Variants in CFAP45 observed in about 807,000 individuals in gnomAD.
CFAP45 encodes the protein cilia and flagella associated protein 45.
In CFAP45, 43 loss-of-function variants were observed where a neutral mutation model predicts 75.6. The ratio of observed to expected loss-of-function variants is 0.57; its 90% CI spans 0.45 to 0.73. The LOEUF (loss-of-function observed/expected upper bound fraction) is 0.73, where lower values mean the gene tolerates loss of function less well. Among genes scored for constraint, CFAP45 ranks in the 30% least tolerant of loss-of-function variants. The probability of loss-of-function intolerance (pLI) is 0.00; values close to 1 mark genes in which losing one functional copy is unlikely to be tolerated. For synonymous variants in CFAP45, 223 were observed against 244.6 expected, an observed-to-expected ratio of 0.91 and a Z score of 0.82; for missense variants, 689 against 701.5, an observed-to-expected ratio of 0.98 and a Z score of 0.20.
intron 3 of CFAP45, among the ~76,000 whole-genome samples, chr1:159,889,848 C>T (rs1415711809): frequency 1.3e-5 from 2 of 152,144 alleles, no homozygotes; most frequent in Non-Finnish European, 2.9e-5. Context: ...GCAGGGAGAA[C>T]GGTTGTAGAG....
chr1:159,873,700 T>C (rs1469086630), intron 10 of CFAP45, among the ~76,000 whole-genome samples: 1 of 152,180 alleles, frequency 6.6e-6, no homozygotes, highest in Non-Finnish European at 1.5e-5. Context: ...ACATTCTCAA[T>C]ATTCACTGGG....
intron 5 of CFAP45, 110 bp from the exon 6 acceptor site, chr1:159,886,799 CTGCTCACAAG>C: frequency 3.6e-6 from 3 of 828,900 alleles, no homozygotes; most frequent in Non-Finnish European, 6.0e-6. Flanking sequence ...GTGTGCATGA[CTGCTCACAAG>C]TCCGGGGAAA....
At chr1:159,893,069 TGA>T in intron 2 of CFAP45, 109 bp downstream of exon 2, 1 of 1,257,166 alleles carries the variant, frequency 8.0e-7, no homozygotes. Flanking sequence ...GTCTTCAGTC[TGA>T]GAGTTACCTA....
In CFAP45 at chr1:159,872,975, C is replaced by G. The variant is rs1231849646; in HGVS notation, c.1546G>C (p.Glu516Gln). 6.2e-7 allele frequency: 1 copy of G among 1,614,112 alleles called. No individual in the cohort carries two copies. Among genetic ancestry groups the G allele is most frequent in the Admixed American group, 1.7e-5 (1 of 60,012 alleles). Residue 516 changes from glutamate (E) to glutamine (Q), a missense_variant, in exon 11 of 12, where the codon GAG becomes CAG. Coordinates refer to ENST00000368099, the MANE Select transcript of CFAP45 (RefSeq NM_012337.3). Reference sequence around the variant, plus strand: ...TCTTCAAGCTTTTTCCTCTTGATCTCATCGATGCGCTCACGGCGTTTCTGG... The same window carrying G: ...TCTTCAAGCTTTTTCCTCTTGATCTGATCGATGCGCTCACGGCGTTTCTGG... ...EAQKRRERID[E>Q]IKRKKLEELR...
At chr1:159,897,122 G>A (rs1649968998) in intron 1 of CFAP45, among the ~76,000 whole-genome samples, 1 of 152,058 alleles carries the variant, frequency 6.6e-6, no homozygotes, top group Admixed American at 6.6e-5. Flanking sequence ...AAATTAGCCA[G>A]GCACGGTGGC....
Position 159,872,437 on chromosome 1 carries a change from G to T in CFAP45, c.*48C>A, listed in dbSNP as rs760842931. On this transcript the variant is annotated 3_prime_UTR_variant, in exon 12 of 12. Coordinates refer to ENST00000368099, the MANE Select transcript of CFAP45 (RefSeq NM_012337.3). ...AGCAATTATGGATGCCCAGAGACTG[G>T]GCAGAATCTGTCCCCCGAAGGCATC... The T allele has an allele frequency of 2.1e-6, 3 of 1,411,394 alleles. No individual in the cohort carries two copies. Among genetic ancestry groups the T allele is most frequent in the African/African-American group, 2.8e-5 (2 of 70,798 alleles). 87.4% of individuals were successfully genotyped at this position (1,411,394 alleles called of 1,614,324 possible). A position where few individuals can be genotyped will look rare whatever the true frequency, so the allele number is the denominator to read the frequency against.
At chr1:159,889,097 G>C (rs1465772352) in intron 3 of CFAP45, among the ~76,000 whole-genome samples, 5 of 152,152 alleles carry the variant, frequency 3.3e-5, no homozygotes, top group Non-Finnish European at 7.3e-5. Flanking sequence ...AAGCTTCCCT[G>C]CCCATCCAGC....
intron 10 of CFAP45, among the ~76,000 whole-genome samples, chr1:159,873,992 G>T (rs749044452): frequency 3.3e-5 from 5 of 151,638 alleles, no homozygotes; most frequent in African/African-American, 9.7e-5. Flanking sequence ...GCCTGATATC[G>T]CTCAGTTCTC....
intron 10 of CFAP45, among the ~76,000 whole-genome samples, chr1:159,874,438 C>T (rs886180138): frequency 1.4e-4 from 22 of 152,310 alleles, no homozygotes; most frequent in Non-Finnish European, 2.6e-4. Context: ...CCAGTTTACC[C>T]GAAGAATACT....
Position 159,872,452 on chromosome 1 carries a change from C to G in CFAP45, c.*33G>C. 6.4e-7 allele frequency: 1 copy of G among 1,572,258 alleles called. No homozygotes were observed. The highest frequency in any genetic ancestry group is 8.8e-7 in the Non-Finnish European group (1 of 1,141,826). On this transcript the variant is annotated 3_prime_UTR_variant, in exon 12 of 12. Coordinates refer to ENST00000368099, the MANE Select transcript of CFAP45 (RefSeq NM_012337.3). ...CCAGAGACTGGGCAGAATCTGTCCC[C>G]CGAAGGCATCCTGAGGGCCACGAAG...
At chr1:159,895,944 A>G (rs892686680) in intron 1 of CFAP45, among the ~76,000 whole-genome samples, 4 of 152,226 alleles carry the variant, frequency 2.6e-5, no homozygotes, top group Non-Finnish European at 4.4e-5. Flanking sequence ...ATAAAACCGA[A>G]CAAGGTGACC....
Position 159,880,619 on chromosome 1 carries a change from C to A in CFAP45, c.979G>T (p.Ala327Ser). The A allele has an allele frequency of 6.2e-7, 1 of 1,613,930 alleles. No individual in the cohort carries two copies. The highest frequency in any genetic ancestry group is 8.5e-7 in the Non-Finnish European group (1 of 1,179,896). ...RINDENQKQKAELLAQEKLAD... is the reference protein window; with the variant it reads ...RINDENQKQKSELLAQEKLAD... ...AGCTTCTCCTGAGCCAGCAGTTCTG[C>A]TTTCTGTTTCTGGTTTTCATCATTG... The change falls in exon 8 of 12, where the codon GCA becomes TCA. Residue 327 changes from alanine to serine, a missense_variant. By Grantham distance (99) the Ala-to-Ser change is moderately conservative. Transcript: ENST00000368099.
At chr1:159,872,896 C>G (rs1220714218) in intron 11 of CFAP45, 48 bp downstream of exon 11, 16 of 1,569,848 alleles carry the variant, frequency 1.0e-5, no homozygotes, top group African/African-American at 1.4e-5. Context: ...GGTGCCATCT[C>G]TTTGCGGGAG....
chr1:159,898,449 A>T (rs1451544754), intron 1 of CFAP45, among the ~76,000 whole-genome samples: 1 of 152,238 alleles, frequency 6.6e-6, no homozygotes, highest in Non-Finnish European at 1.5e-5. Context: ...GAGTAGCACT[A>T]TACGTACACG....
rs762663516 is a variant in CFAP45 at position 159,872,535 on chromosome 1, T to A, written c.1606A>T (p.Ile536Phe). 1 of 1,614,134 alleles carries A rather than the reference T, an allele frequency of 6.2e-7. No individual in the cohort carries two copies. Among genetic ancestry groups the A allele is most frequent in the South Asian group, 1.1e-5 (1 of 91,080 alleles). The change falls in exon 12 of 12, where the codon ATT (isoleucine) becomes TTT (phenylalanine). Residue 536 changes from isoleucine (I) to phenylalanine (F), a missense_variant. Ile to Phe is a conservative substitution (Grantham distance 21). Coordinates refer to ENST00000368099, the MANE Select transcript of CFAP45 (RefSeq NM_012337.3). ...ATGTTAGCTTTGCGCTCAGCTTCAATGCAGTACTTCTCGGGAAGGCCAGTG... is the reference window on the plus strand; with the variant it reads ...ATGTTAGCTTTGCGCTCAGCTTCAAAGCAGTACTTCTCGGGAAGGCCAGTG... ...RATGLPEKYC[I>F]EAERKANILP...
rs761424590 is a variant in CFAP45 at position 159,873,064 on chromosome 1, T to C, written c.1457A>G (p.Gln486Arg). 1 of 1,614,256 alleles carries C rather than the reference T, an allele frequency of 6.2e-7. No individual in the cohort carries two copies. The highest frequency in any genetic ancestry group is 8.5e-7 in the Non-Finnish European group (1 of 1,180,048). The part of the protein sequence containing the change: ...NELRRQVREN[Q>R]QKEVQNRIAT... The stretch of plus-strand genomic sequence containing the variant: ...AATCCGGTTCTGCACTTCCTTCTGC[T>C]GGTTCTCGCGCACCTGGCGCCGGAG... Residue 486 changes from glutamine to arginine, a missense_variant, in exon 11 of 12, where the codon CAG becomes CGG. Transcript: ENST00000368099.
chr1:159,877,492 T>C (rs1380022331), intron 8 of CFAP45, 30 bp from the exon 9 acceptor site: 19 of 1,467,748 alleles, frequency 1.3e-5, no homozygotes, highest in South Asian at 2.3e-5. Context: ...TGTAGAATAG[T>C]TGCCATTGCC....
rs1367245870 is a variant in CFAP45 at position 159,887,966 on chromosome 1, C to A, written c.463G>T (p.Val155Leu). 4 of 1,614,118 alleles carry A rather than the reference C, an allele frequency of 2.5e-6. No individual in the cohort carries two copies. In the African/African-American group the frequency reaches 5.3e-5, roughly 22 times the overall value. The change falls in exon 5 of 12, where the codon GTG becomes TTG. Residue 155 changes from valine to leucine, a missense_variant. Coordinates refer to ENST00000368099, the MANE Select transcript of CFAP45 (RefSeq NM_012337.3). ...RKKIMKQKEM[V>L]WNNNKKLSDL... ...CTGAGCTTCTTGTTGTTGTTCCACACCATCTCCTTCTGTTTCATGATCTTC... is the reference window on the plus strand; with the variant it reads ...CTGAGCTTCTTGTTGTTGTTCCACAACATCTCCTTCTGTTTCATGATCTTC...
Position 159,873,113 on chromosome 1 carries a change from C to T in CFAP45, c.1408G>A (p.Gly470Arg). Residue 470 changes from glycine (G) to arginine (R), a missense_variant, in exon 11 of 12, where the codon GGG becomes AGG. Transcript: ENST00000368099. Reference protein sequence around the residue: ...ERLEEEKKATGRLQHANELRR... With the variant: ...ERLEEEKKATRRLQHANELRR... ...AGCTCATTGGCATGCTGTAAGCGCC[C>T]TGTGGCCTTTTTCTCCTCCTCCAGC... The T allele has an allele frequency of 6.2e-7, 1 of 1,614,192 alleles. No homozygotes were observed. The highest frequency in any genetic ancestry group is 1.3e-5 in the African/African-American group (1 of 75,062).
Sources: allele counts gnomAD v4.1 joint callset (sites outside exome capture counted in the v4.1 genomes callset), GRCh38; gene constraint gnomAD v4.1.1; transcripts MANE v1.5; gene names NCBI Gene and HGNC (gene_info 2026-07-23, HGNC 2026-07-21).